Variants in C17orf78 observed in about 807,000 individuals in gnomAD.
The protein encoded by C17orf78 is chromosome 17 open reading frame 78.
Under a neutral mutation model 31.8 loss-of-function variants are expected in C17orf78, and 27 were observed. The ratio of observed to expected loss-of-function variants is 0.85; its 90% CI spans 0.63 to 1.17. The LOEUF (loss-of-function observed/expected upper bound fraction) is 1.17, where lower values mean the gene tolerates loss of function less well. Among genes scored for constraint, C17orf78 ranks in the 50% most tolerant of loss-of-function variants. The pLI, the probability that C17orf78 is intolerant of heterozygous loss-of-function variation, is 0.00. For synonymous variants in C17orf78, 106 were observed against 115.1 expected (o/e 0.92, Z 0.51); for missense variants, 258 against 315.2 (o/e 0.82, Z 1.37).
chr17:37,386,929 C>G (rs1007688628), intron 4 of C17orf78: 6 of 152,008 alleles, frequency 3.9e-5, no homozygotes, highest in Non-Finnish European at 7.3e-5. Flanking sequence ...GTGATCCCCC[C>G]ACCTCAGCCT....
intron 4 of C17orf78, 83 bp from the exon 5 acceptor site, chr17:37,388,586 CA>C: frequency 6.8e-7 from 1 of 1,469,536 alleles, no homozygotes; most frequent in Non-Finnish European, 9.3e-7. Context: ...TCTTGTGAGC[CA>C]GAAGAACTTC....
Position 37,381,794 on chromosome 17 carries a change from A to AT in C17orf78, c.391+2418dup, listed in dbSNP as rs570842986. Among the ~76,000 whole-genome samples, 20 of 151,510 alleles carry AT rather than the reference A, an allele frequency of 1.3e-4. No individual in the cohort carries two copies. In the East Asian group the frequency reaches 1.6e-3, roughly 12 times the overall value. Reference sequence around the variant, plus strand: ...AGGCACTCGCCACCACACCCAGTTAATTTTTTGTATTTTTGGTAGAGATGG... The same window carrying AT: ...AGGCACTCGCCACCACACCCAGTTAATTTTTTTGTATTTTTGGTAGAGATGG... On this transcript the variant is annotated intron_variant, in intron 3 of 6. Coordinates refer to ENST00000615133, the MANE Select transcript of C17orf78 (RefSeq NM_173625.5).
chr17:37,376,753 G>C (rs924034046), intron 1 of C17orf78, among the ~76,000 whole-genome samples: 1 of 152,070 alleles, frequency 6.6e-6, no homozygotes, highest in African/African-American at 2.4e-5. Context: ...TCAGGAGTTC[G>C]AGACCAGCCT....
chr17:37,388,376 T>C (rs1423147351), intron 4 of C17orf78, among the ~76,000 whole-genome samples: 2 of 152,176 alleles, frequency 1.3e-5, no homozygotes, highest in African/African-American at 2.4e-5. Context: ...GAGATTTTTC[T>C]TCCTGCGAGC....
At chr17:37,381,176 TTTG>T (rs570921905) in intron 3 of C17orf78, among the ~76,000 whole-genome samples, 13 of 152,000 alleles carry the variant, frequency 8.6e-5, no homozygotes, top group African/African-American at 2.2e-4. Context: ...TTATTGTTAT[TTTG>T]TTGTTGTTGT....
In C17orf78 at chr17:37,379,280, C is replaced by T. The variant is rs369910079; in HGVS notation, c.289C>T (p.Leu97=). ...RPKVKHILKN[L]RIIAAPRRNS... ...AAAGGTCAAGCATATTTTGAAGAAC[C>T]TGAGAATCATTGCTGCTCCCCGCAG... is the stretch of plus-strand genomic sequence containing the variant. The change falls in exon 3 of 7, where the codon CTG becomes TTG. Residue 97 remains leucine, a synonymous_variant. Transcript: ENST00000615133. 9 of 1,613,978 alleles carry T rather than the reference C, an allele frequency of 5.6e-6. No individual in the cohort carries two copies. The African/African-American group carries it at 1.2e-4, about 22-fold the overall frequency.
At chr17:37,379,730 A>G (rs1213347722) in intron 3 of C17orf78, among the ~76,000 whole-genome samples, 1 of 151,132 alleles carries the variant, frequency 6.6e-6, no homozygotes, top group East Asian at 1.9e-4. Flanking sequence ...ATGAGATACC[A>G]TCTCACACCA....
Position 37,391,845 on chromosome 17 carries a change from A to C in C17orf78, c.*121A>C. 1 of 904,442 alleles carries C rather than the reference A, an allele frequency of 1.1e-6. No homozygotes were observed. The highest frequency in any genetic ancestry group is 1.8e-6 in the Non-Finnish European group (1 of 564,434). The allele number at this position is 904,442 out of a possible 1,614,324, so 56.0% of individuals were successfully genotyped here. A position where few individuals can be genotyped will look rare whatever the true frequency, so the allele number is the denominator to read the frequency against. ...GCAGGGACATTACAATCAAACACCA[A>C]TTCCTGGTTAATGAAGGGAGAGTGT... On this transcript the variant is annotated 3_prime_UTR_variant, in exon 7 of 7. Transcript: ENST00000615133.
intron 1 of C17orf78, among the ~76,000 whole-genome samples, chr17:37,377,275 T>G (rs1029222977): frequency 1.3e-5 from 2 of 152,194 alleles, no homozygotes; most frequent in Non-Finnish European, 2.9e-5. Context: ...TTAACTCTAT[T>G]TGACCTTTCT....
At position 37,379,150 on chromosome 17, in the gene C17orf78, A is replaced by C; in HGVS notation, c.159A>C (p.Glu53Asp). 1 of 1,613,182 alleles carries C rather than the reference A, an allele frequency of 6.2e-7. No homozygotes were observed. Among genetic ancestry groups the C allele is most frequent in the Non-Finnish European group, 8.5e-7 (1 of 1,179,608 alleles). ...RELQMQETHT[E>D]TKRTTFIQNR... ...TTCTCCTTCCAGAAACTCACACAGA[A>C]ACCAAAAGGACAACATTCATTCAAA... is the stretch of plus-strand genomic sequence containing the variant. The change falls in exon 3 of 7, where the codon GAA becomes GAC. Residue 53 changes from glutamate to aspartate, a missense_variant. Glu to Asp is a conservative substitution (Grantham distance 45). Transcript: ENST00000615133.
intron 3 of C17orf78, among the ~76,000 whole-genome samples, chr17:37,384,532 G>GTAT: frequency 6.6e-6 from 1 of 151,876 alleles, no homozygotes; most frequent in Middle Eastern, 3.4e-3. Flanking sequence ...GGTAGAGCAA[G>GTAT]TATTATTTTA....
At chr17:37,389,760 G>A (rs1447748145) in intron 6 of C17orf78, among the ~76,000 whole-genome samples, 1 of 151,894 alleles carries the variant, frequency 6.6e-6, no homozygotes, top group Non-Finnish European at 1.5e-5. Flanking sequence ...TCGTCCCTAA[G>A]AGGACTGTGA....
intron 3 of C17orf78, among the ~76,000 whole-genome samples, chr17:37,380,778 A>G (rs2050214256): frequency 6.6e-6 from 1 of 151,986 alleles, no homozygotes; most frequent in Non-Finnish European, 1.5e-5. Flanking sequence ...TTGTATTTTT[A>G]GTAGAGACAG....
Position 37,389,244 on chromosome 17 carries a change from A to T in C17orf78, c.634-2A>T. ...TTAATACCAGTCATTTTCTCCCTTC[A>T]GTATCAATGCCTAGGAGCCAGGAAG... is the stretch of plus-strand genomic sequence containing the variant. On this transcript the variant is annotated splice_acceptor_variant, in intron 5 of 6. Transcript: ENST00000615133. LOFTEE classifies it high-confidence loss of function. 1 of 1,579,250 alleles carries T rather than the reference A, an allele frequency of 6.3e-7. No individual in the cohort carries two copies. Among genetic ancestry groups the T allele is most frequent in the Non-Finnish European group, 8.6e-7 (1 of 1,162,582 alleles).
chr17:37,385,923 T>G (rs973598030), intron 3 of C17orf78, 86 bp from the exon 4 acceptor site: 2 of 864,106 alleles, frequency 2.3e-6, no homozygotes, highest in African/African-American at 3.4e-5. Context: ...AAGTTTACTA[T>G]CAGCTGGGCA....
At chr17:37,377,691 A>G (rs756758749) in intron 1 of C17orf78, among the ~76,000 whole-genome samples, 188 bp from the exon 2 acceptor site, 16 of 151,006 alleles carry the variant, frequency 1.1e-4, no homozygotes, top group Non-Finnish European at 1.8e-4. Context: ...ATAAATAAAT[A>G]AATAAATAAA....
chr17:37,376,464 T>C (rs1262779321), intron 1 of C17orf78, among the ~76,000 whole-genome samples: 2 of 152,208 alleles, frequency 1.3e-5, no homozygotes, highest in Non-Finnish European at 2.9e-5. Context: ...TCACCTAAGG[T>C]TCCCAAATTC....
Position 37,390,025 on chromosome 17 carries a change from C to T in C17orf78, c.750+663C>T, listed in dbSNP as rs190538587. 1.0e-3 allele frequency among the ~76,000 whole-genome samples: 152 copies of T among 145,000 alleles called. 2 individuals are homozygous for T. The highest frequency in any genetic ancestry group is 2.4e-4 in the Non-Finnish European group (16 of 66,978). ...TTAAGGCCAGGCCTGATTCATCATGCCTGCAATCCCAGTGCTTTGGGAGGC... is the reference window on the plus strand; with the variant it reads ...TTAAGGCCAGGCCTGATTCATCATGTCTGCAATCCCAGTGCTTTGGGAGGC... On this transcript the variant is annotated intron_variant, in intron 6 of 6. Coordinates refer to ENST00000615133, the MANE Select transcript of C17orf78 (RefSeq NM_173625.5).
chr17:37,390,702 A>C (rs955459630), intron 6 of C17orf78, among the ~76,000 whole-genome samples: 4 of 150,360 alleles, frequency 2.7e-5, no homozygotes, highest in African/African-American at 9.8e-5. Flanking sequence ...CTGAGGTGGG[A>C]GGATCACTTG....
Sources: gnomAD v4.1 joint callset for allele counts (sites outside exome capture counted in the v4.1 genomes callset) on GRCh38, gnomAD v4.1.1 for gene constraint, MANE v1.5 for transcripts, NCBI Gene and HGNC (gene_info 2026-07-23, HGNC 2026-07-21) for gene names.